The following RIMS1 variants were observed in gnomAD, a reference collection of about 807,000 sequenced individuals.
The protein encoded by RIMS1 is regulating synaptic membrane exocytosis 1, also known as regulating synaptic membrane exocytosis protein 1.
Under a neutral mutation model 214.1 loss-of-function variants are expected in RIMS1, and 83 were observed. The observed-to-expected ratio is 0.39, with a 90% confidence interval of 0.32 to 0.47. The LOEUF (loss-of-function observed/expected upper bound fraction) is 0.47, where lower values mean the gene tolerates loss of function less well. RIMS1 is among the 20% of genes least tolerant of loss of function. The pLI, the probability that RIMS1 is intolerant of heterozygous loss-of-function variation, is 0.99. For missense variants in RIMS1, 2,050 were observed against 2,161.8 expected, an observed-to-expected ratio of 0.95 and a Z score of 1.03; for synonymous variants, 793 against 786.8, an observed-to-expected ratio of 1.01 and a Z score of -0.13.
chr6:72,153,026 G>A lies in RIMS1; in HGVS notation c.472-26549G>A, dbSNP rs9293867. ...TATATATGTATATATATGTGTGTGT[G>A]TATATATGTGTGTGTGTGTATATAT... On this transcript the variant is annotated intron_variant, in intron 4 of 33. Transcript: ENST00000521978. 2.3e-4 allele frequency among the ~76,000 whole-genome samples: 25 copies of A among 106,394 alleles called. 1 individual carries two copies. The highest frequency in any genetic ancestry group is 5.2e-4 in the East Asian group (2 of 3,868). 69.8% of individuals were successfully genotyped at this position (106,394 alleles called of 152,430 possible).
intron 9 of RIMS1, among the ~76,000 whole-genome samples, chr6:72,241,347 T>C (rs1342713477): frequency 2.6e-5 from 4 of 152,156 alleles, no homozygotes; most frequent in African/African-American, 9.7e-5. Context: ...CCTCAGTGCA[T>C]CGAGGTTGAA....
At chr6:72,291,161 A>G (rs2093335210) in intron 25 of RIMS1, among the ~76,000 whole-genome samples, 1 of 152,140 alleles carries the variant, frequency 6.6e-6, no homozygotes, top group South Asian at 2.1e-4. Context: ...TGAAATTTTT[A>G]TGATAAATTA....
intron 4 of RIMS1, among the ~76,000 whole-genome samples, chr6:72,145,126 CAGCAA>C (rs1162229830): frequency 6.6e-6 from 1 of 152,084 alleles, no homozygotes; most frequent in Non-Finnish European, 1.5e-5. Flanking sequence ...GCATAAAGTG[CAGCAA>C]AAATAATTAT....
At chr6:72,222,178 A>T (rs2058666213) in intron 6 of RIMS1, among the ~76,000 whole-genome samples, 1 of 152,052 alleles carries the variant, frequency 6.6e-6, no homozygotes, top group South Asian at 2.1e-4. Flanking sequence ...ATTTAGTGTT[A>T]TTGAATAGTT....
At chr6:72,104,840 G>A (rs1331389133) in intron 4 of RIMS1, among the ~76,000 whole-genome samples, 1 of 152,006 alleles carries the variant, frequency 6.6e-6, no homozygotes, top group East Asian at 1.9e-4. Flanking sequence ...TTGCTGGGGA[G>A]AAGGATCTGC....
intron 12 of RIMS1, 62 bp from the exon 13 acceptor site, chr6:72,250,268 T>C (rs1172319017): frequency 1.3e-5 from 20 of 1,502,194 alleles, no homozygotes; most frequent in Non-Finnish European, 1.7e-5. Context: ...TGAATTTTGT[T>C]TTATGTAAAA....
intron 1 of RIMS1, among the ~76,000 whole-genome samples, chr6:71,929,602 A>G (rs1782480966): frequency 1.3e-5 from 2 of 152,102 alleles, no homozygotes; most frequent in African/African-American, 4.8e-5. Context: ...CTTGGTTCCC[A>G]TAAAGTCCAT....
At chr6:71,991,980 A>T (rs529021) in intron 2 of RIMS1, among the ~76,000 whole-genome samples, 1 of 152,024 alleles carries the variant, frequency 6.6e-6, no homozygotes, top group Non-Finnish European at 1.5e-5. Context: ...CAGGAGAATC[A>T]CTTTAACGGG....
chr6:72,006,624 C>A (rs1459880860), intron 2 of RIMS1, among the ~76,000 whole-genome samples: 4 of 152,170 alleles, frequency 2.6e-5, no homozygotes, highest in Admixed American at 2.6e-4. Flanking sequence ...TCACTCCCAC[C>A]CTAACACTGC....
chr6:72,137,897 C>T (rs1048706931), intron 4 of RIMS1, among the ~76,000 whole-genome samples: 2 of 151,946 alleles, frequency 1.3e-5, no homozygotes, highest in African/African-American at 2.4e-5. Flanking sequence ...CCGCCACGCC[C>T]GGCTAATTTT....
At chr6:72,077,419 T>C (rs758855314) in intron 2 of RIMS1, among the ~76,000 whole-genome samples, 10 of 152,214 alleles carry the variant, frequency 6.6e-5, no homozygotes, top group East Asian at 1.9e-4. Flanking sequence ...ATGCAGTAGA[T>C]GATCAATTAT....
chr6:72,222,809 T>C (rs2058927596), intron 6 of RIMS1, among the ~76,000 whole-genome samples: 1 of 152,222 alleles, frequency 6.6e-6, no homozygotes, highest in South Asian at 2.1e-4. Flanking sequence ...TGTTGCCTAA[T>C]GGATATTGTT....
chr6:72,209,350 T>G (rs1448840651), intron 6 of RIMS1, among the ~76,000 whole-genome samples: 1 of 152,196 alleles, frequency 6.6e-6, no homozygotes, highest in Non-Finnish European at 1.5e-5. Flanking sequence ...CATTGAAGCC[T>G]TATAACTCAG....
intron 1 of RIMS1, among the ~76,000 whole-genome samples, chr6:71,905,190 A>G (rs1032144418): frequency 3.3e-5 from 5 of 150,690 alleles, no homozygotes; most frequent in African/African-American, 1.2e-4. Flanking sequence ...TTTTTTTTAT[A>G]TGGGAAAATA....
At chr6:72,286,802 A>G (rs907496663) in intron 24 of RIMS1, among the ~76,000 whole-genome samples, 1 of 152,198 alleles carries the variant, frequency 6.6e-6, no homozygotes, top group Non-Finnish European at 1.5e-5. Flanking sequence ...GAGTCATACT[A>G]CACAGTTTTG....
intron 6 of RIMS1, among the ~76,000 whole-genome samples, chr6:72,210,462 A>G (rs963417359): frequency 2.6e-5 from 4 of 152,208 alleles, no homozygotes; most frequent in Admixed American, 2.0e-4. Context: ...ATTTTAAACC[A>G]TCTGCTAACA....
intron 29 of RIMS1, among the ~76,000 whole-genome samples, chr6:72,390,372 A>C (rs2098683241): frequency 6.6e-6 from 1 of 152,216 alleles, no homozygotes; most frequent in African/African-American, 2.4e-5. Context: ...AGATTTAGGC[A>C]GTCACTGAAA....
intron 2 of RIMS1, among the ~76,000 whole-genome samples, chr6:72,036,994 C>G (rs1450995434): frequency 6.6e-6 from 1 of 152,178 alleles, no homozygotes; most frequent in East Asian, 1.9e-4. Flanking sequence ...CCAGAAACAA[C>G]AGCTGTGATT....
chr6:72,029,710 G>A (rs1585215323), intron 2 of RIMS1, among the ~76,000 whole-genome samples: 1 of 152,238 alleles, frequency 6.6e-6, no homozygotes, highest in East Asian at 1.9e-4. Flanking sequence ...AGATGAAGGT[G>A]GGAGATGGAG....
Sources: gnomAD v4.1 joint callset for allele counts (sites outside exome capture counted in the v4.1 genomes callset) on GRCh38, gnomAD v4.1.1 for gene constraint, MANE v1.5 for transcripts, NCBI Gene and HGNC (gene_info 2026-07-23, HGNC 2026-07-21) for gene names.